The following RNF217 variants were observed in gnomAD, a reference collection of about 807,000 sequenced individuals.
RNF217 encodes E3 ubiquitin-protein ligase RNF217.
A neutral mutation model predicts 57.8 loss-of-function variants in RNF217; 31 were observed. The ratio of observed to expected loss-of-function variants is 0.54; its 90% CI spans 0.40 to 0.72. RNF217 has a LOEUF of 0.72. Among genes scored for constraint, RNF217 ranks in the 30% least tolerant of loss-of-function variants. The pLI, the probability that RNF217 is intolerant of heterozygous loss-of-function variation, is 0.00. For synonymous variants in RNF217, 313 were observed against 294.0 expected (o/e 1.06, Z -0.66); for missense variants, 696 against 708.3 (o/e 0.98, Z 0.20).
chr6:125,006,435 T>C (rs1785182067), intron 1 of RNF217, among the ~76,000 whole-genome samples: 1 of 152,214 alleles, frequency 6.6e-6, no homozygotes, highest in African/African-American at 2.4e-5. Flanking sequence ...CTTGTACTCA[T>C]TTTTTCTATT....
At chr6:125,029,034 T>C (rs1438118915) in intron 1 of RNF217, among the ~76,000 whole-genome samples, 1 of 152,166 alleles carries the variant, frequency 6.6e-6, no homozygotes, top group Non-Finnish European at 1.5e-5. Flanking sequence ...CCAAAGAAAT[T>C]AGAAAGCTCA....
chr6:125,060,080 C>T lies in RNF217; in HGVS notation c.1281+1974C>T, dbSNP rs1021864504. On this transcript the variant is annotated intron_variant, in intron 3 of 5. Coordinates refer to ENST00000521654, the MANE Select transcript of RNF217 (RefSeq NM_001286398.3). ...TTGGACCCTAAAATTATGTTTTGCC[C>T]CATGGAACATTTCTATTATTACAAC... 1.2e-4 allele frequency among the ~76,000 whole-genome samples: 19 copies of T among 152,020 alleles called. No homozygotes were observed. In the East Asian group the frequency reaches 3.3e-3, roughly 26 times the overall value.
chr6:124,965,791 T>G (rs1783515325), intron 1 of RNF217, among the ~76,000 whole-genome samples: 1 of 152,136 alleles, frequency 6.6e-6, no homozygotes, highest in Non-Finnish European at 1.5e-5. Flanking sequence ...TTTTAAAAAT[T>G]GAGCCTCACC....
At chr6:125,036,838 C>T (rs113167308) in intron 1 of RNF217, among the ~76,000 whole-genome samples, 511 of 150,374 alleles carry the variant, frequency 3.4e-3, no homozygotes, top group African/African-American at 0.012. Context: ...CTTAGAATGG[C>T]GATTAAAAAG....
intron 1 of RNF217, among the ~76,000 whole-genome samples, chr6:125,041,589 G>C (rs1393512761): frequency 6.6e-6 from 1 of 152,024 alleles, no homozygotes; most frequent in Non-Finnish European, 1.5e-5. Context: ...GACACCTTCT[G>C]ACTGGAGCCA....
intron 2 of RNF217, among the ~76,000 whole-genome samples, chr6:125,051,309 C>T (rs1318664762): frequency 2.6e-5 from 4 of 151,802 alleles, no homozygotes; most frequent in African/African-American, 9.7e-5. Flanking sequence ...GCACAATGAA[C>T]AAGTGAAGAA....
intron 3 of RNF217, among the ~76,000 whole-genome samples, chr6:125,064,093 A>G (rs1352162675): frequency 6.6e-6 from 1 of 152,214 alleles, no homozygotes; most frequent in East Asian, 1.9e-4. Context: ...TGCATCTTAT[A>G]GGTATCCTGC....
chr6:124,990,485 C>T (rs1160973657), intron 1 of RNF217, among the ~76,000 whole-genome samples: 2 of 152,094 alleles, frequency 1.3e-5, no homozygotes, highest in African/African-American at 2.4e-5. Context: ...CCCTGTAAAC[C>T]TGTTTTATTT....
chr6:125,032,311 T>A (rs1056169604), intron 1 of RNF217, among the ~76,000 whole-genome samples: 1 of 152,190 alleles, frequency 6.6e-6, no homozygotes, highest in Non-Finnish European at 1.5e-5. Flanking sequence ...AGAAACAAAC[T>A]TAAAATTCCT....
intron 3 of RNF217, among the ~76,000 whole-genome samples, chr6:125,062,137 T>C (rs1787758516): frequency 6.6e-6 from 1 of 152,114 alleles, no homozygotes; most frequent in Non-Finnish European, 1.5e-5. Context: ...CGATTATGCC[T>C]TTGTTAAATT....
intron 5 of RNF217, chr6:125,082,631 AT>A (rs1295680703): frequency 2.7e-5 from 43 of 1,570,664 alleles, no homozygotes; most frequent in Middle Eastern, 3.4e-4. Flanking sequence ...AAGTTTTGAT[AT>A]TTGGATAGAA....
chr6:125,014,473 A>G (rs548002246), intron 1 of RNF217, among the ~76,000 whole-genome samples: 2 of 152,268 alleles, frequency 1.3e-5, no homozygotes, highest in Non-Finnish European at 2.9e-5. Context: ...TCATTAAGTT[A>G]TTTGGTACAG....
intron 3 of RNF217, among the ~76,000 whole-genome samples, chr6:125,068,487 T>A (rs1469323279): frequency 1.3e-5 from 2 of 152,192 alleles, no homozygotes; most frequent in Non-Finnish European, 2.9e-5. Flanking sequence ...TTCACAGCAT[T>A]TGGCATAGCT....
intron 1 of RNF217, among the ~76,000 whole-genome samples, chr6:125,024,321 G>A (rs538690969): frequency 3.9e-5 from 6 of 152,280 alleles, no homozygotes; most frequent in South Asian, 2.1e-4. Context: ...GGTGGCTCAC[G>A]CCTGTAATCC....
chr6:125,083,971 A>G lies in RNF217; in HGVS notation c.*1034A>G, dbSNP rs1180007849. Reference sequence around the variant, plus strand: ...TCCCAAAAACAAGTTTGCTGTAGACAACTGCTTAAGCCTTTAAAAAATTCC... The same window carrying G: ...TCCCAAAAACAAGTTTGCTGTAGACGACTGCTTAAGCCTTTAAAAAATTCC... On this transcript the variant is annotated 3_prime_UTR_variant, in exon 6 of 6. Transcript: ENST00000521654. 1 of 152,084 alleles carries G rather than the reference A, an allele frequency of 6.6e-6. No homozygotes were observed. Among genetic ancestry groups the G allele is most frequent in the East Asian group, 1.9e-4 (1 of 5,192 alleles). 9.4% of individuals were successfully genotyped at this position (152,084 alleles called of 1,614,324 possible).
rs1320238345 is a variant in RNF217, at chr6:125,083,259, C to T, written c.*322C>T. ...GTTATCCTAAGAATTCTGAGCACGC[C>T]TCTTCTGAGAATTGCTTGGACTGTC... is the stretch of plus-strand genomic sequence containing the variant. On this transcript the variant is annotated 3_prime_UTR_variant, in exon 6 of 6. Transcript: ENST00000521654. The T allele has an allele frequency of 5.2e-6, 1 of 191,612 alleles. No homozygotes were observed. The highest frequency in any genetic ancestry group is 2.3e-5 in the African/African-American group (1 of 42,612). The allele number at this position is 191,612 out of a possible 1,614,324, so 11.9% of individuals were successfully genotyped here. A position where few individuals can be genotyped will look rare whatever the true frequency, so the allele number is the denominator to read the frequency against.
In RNF217 at chr6:124,965,988, G is replaced by A. The variant is rs539505034; in HGVS notation, c.882+2562G>A. On this transcript the variant is annotated intron_variant, in intron 1 of 5. Coordinates refer to ENST00000521654, the MANE Select transcript of RNF217 (RefSeq NM_001286398.3). ...ACTAAAACCTACTGAATTTTTGAAA[G>A]GCCTGAGATTGCCCCAGAAACCAAG... is the stretch of plus-strand genomic sequence containing the variant. Among the ~76,000 whole-genome samples the A allele has an allele frequency of 1.4e-4, 22 of 152,304 alleles. No homozygotes were observed. In the East Asian group the frequency reaches 4.1e-3, roughly 28 times the overall value.
intron 1 of RNF217, among the ~76,000 whole-genome samples, chr6:125,012,714 CT>C (rs1462132289): frequency 6.6e-6 from 1 of 152,066 alleles, no homozygotes; most frequent in Non-Finnish European, 1.5e-5. Flanking sequence ...TTATATTTTA[CT>C]TTTGTAATGT....
At chr6:125,069,148 T>A (rs1274155092) in intron 3 of RNF217, among the ~76,000 whole-genome samples, 1 of 152,152 alleles carries the variant, frequency 6.6e-6, no homozygotes, top group Non-Finnish European at 1.5e-5. Flanking sequence ...TCATAAGACT[T>A]AACTTGAAAC....
Sources: gnomAD v4.1 joint callset for allele counts (sites outside exome capture counted in the v4.1 genomes callset) on GRCh38, gnomAD v4.1.1 for gene constraint, MANE v1.5 for transcripts, NCBI Gene and HGNC (gene_info 2026-07-23, HGNC 2026-07-21) for gene names.